ARHGAP21: variants seen among roughly 807,000 people sequenced by gnomAD.
ARHGAP21 encodes Rho GTPase activating protein 21, also known as rho GTPase-activating protein 21.
In ARHGAP21, 38 loss-of-function variants were observed where a neutral mutation model predicts 164.6. The ratio of observed to expected loss-of-function variants is 0.23; its 90% CI spans 0.18 to 0.30. The LOEUF is 0.30. Among genes scored for constraint, ARHGAP21 ranks in the 10% least tolerant of loss-of-function variants. The probability of loss-of-function intolerance (pLI) is 1.00; values close to 1 mark genes in which losing one functional copy is unlikely to be tolerated. For synonymous variants in ARHGAP21, 766 were observed against 857.9 expected (o/e 0.89, Z 1.87); for missense variants, 1,822 against 2,370.7 (o/e 0.77, Z 4.81).
chr10:24,600,650 T>G lies in ARHGAP21; in HGVS notation c.3128A>C (p.Glu1043Ala). The change falls in exon 14 of 26, where the codon GAA becomes GCA. Residue 1043 changes from glutamate to alanine, a missense_variant. This residue lies in a region of ARHGAP21 where 1,090 missense variants were observed against 1,378.9 expected (regional missense o/e 0.79). Transcript: ENST00000396432. ...KTIQESSNLN[E>A]EDTGVTNRDL... The stretch of plus-strand genomic sequence containing the variant: ...AGCATTCCTTTGAACACCCACCTCT[T>G]CGTTTAGGTTGCTGCTCTCCTGGAT... 1.2e-6 allele frequency: 2 copies of G among 1,612,522 alleles called. No homozygotes were observed. Among genetic ancestry groups the G allele is most frequent in the Admixed American group, 3.3e-5 (2 of 59,994 alleles).
chr10:24,634,370 T>A (rs1200763551), intron 5 of ARHGAP21, among the ~76,000 whole-genome samples: 1 of 152,196 alleles, frequency 6.6e-6, no homozygotes, highest in Non-Finnish European at 1.5e-5. Flanking sequence ...ATATAGCTTT[T>A]CAATAATTCC....
Position 24,661,292 on chromosome 10 carries a change from T to C in ARHGAP21, c.268+5693A>G, listed in dbSNP as rs537616905. 4.0e-5 allele frequency among the ~76,000 whole-genome samples: 6 copies of C among 151,704 alleles called. No homozygotes were observed. In the South Asian group the frequency reaches 1.2e-3, roughly 31 times the overall value. On this transcript the variant is annotated intron_variant, in intron 4 of 25. Transcript: ENST00000396432. ...TTTTTCTTATAAAAAATCTGCATCA[T>C]AGTACAGAAAACTAACCAACAAGAA... is the stretch of plus-strand genomic sequence containing the variant.
intron 3 of ARHGAP21, among the ~76,000 whole-genome samples, chr10:24,667,755 G>A (rs1840333859): frequency 6.9e-6 from 1 of 145,678 alleles, no homozygotes; most frequent in African/African-American, 2.5e-5. Context: ...GCTGCCCAAT[G>A]TTTTTTTTTT....
At chr10:24,593,153 A>AACATGTTAACTAG (rs1472435194) in intron 21 of ARHGAP21, among the ~76,000 whole-genome samples, 30 of 152,234 alleles carry the variant, frequency 2.0e-4, no homozygotes, top group Non-Finnish European at 3.7e-4. Flanking sequence ...CTGCACACCT[A>AACATGTTAACTAG]ACATGTTAAC....
chr10:24,612,862 A>C (rs920339310), intron 9 of ARHGAP21, among the ~76,000 whole-genome samples: 1 of 151,878 alleles, frequency 6.6e-6, no homozygotes, highest in African/African-American at 2.4e-5. Context: ...TTCAAAAATA[A>C]ATAAATAAAT....
At position 24,583,923 on chromosome 10, in the gene ARHGAP21, TA is replaced by T. The variant is rs1314109407; in HGVS notation, c.*488del. ...AAAACTCAGATCCACCTGGAATGAC[TA>T]AAGAATGGAAGTTCTGTATCCACCT... On this transcript the variant is annotated 3_prime_UTR_variant, in exon 26 of 26. Transcript: ENST00000396432. The T allele has an allele frequency of 6.6e-6, 1 of 152,650 alleles. No homozygotes were observed. The highest frequency in any genetic ancestry group is 2.4e-5 in the African/African-American group (1 of 41,458). The allele number at this position is 152,650 out of a possible 1,614,324, so 9.5% of individuals were successfully genotyped here.
chr10:24,642,597 G>A (rs1042162506), intron 4 of ARHGAP21, among the ~76,000 whole-genome samples: 4 of 151,376 alleles, frequency 2.6e-5, no homozygotes, highest in African/African-American at 9.7e-5. Flanking sequence ...TATGTGATCG[G>A]TACTGCAAGC....
intron 14 of ARHGAP21, among the ~76,000 whole-genome samples, chr10:24,598,859 G>C (rs150317552): frequency 6.6e-6 from 1 of 152,154 alleles, no homozygotes. Context: ...TCCTACCCCT[G>C]ATGCTTAAGT....
chr10:24,680,466 T>C (rs1162810642), intron 2 of ARHGAP21, among the ~76,000 whole-genome samples: 2 of 152,128 alleles, frequency 1.3e-5, no homozygotes, highest in Non-Finnish European at 2.9e-5. Flanking sequence ...CATTTCTGAA[T>C]TGAGCTGCTA....
intron 2 of ARHGAP21, among the ~76,000 whole-genome samples, chr10:24,688,342 G>A (rs1408215711): frequency 6.6e-6 from 1 of 152,054 alleles, no homozygotes; most frequent in African/African-American, 2.4e-5. Flanking sequence ...GAAGTGAGCC[G>A]AGATGGCACC....
intron 4 of ARHGAP21, among the ~76,000 whole-genome samples, chr10:24,642,535 A>G (rs1307148343): frequency 1.3e-5 from 2 of 150,828 alleles, no homozygotes; most frequent in African/African-American, 4.9e-5. Flanking sequence ...AAAAAAAAAA[A>G]GGAAGAAACA....
intron 7 of ARHGAP21, among the ~76,000 whole-genome samples, chr10:24,623,836 A>AT (rs1394966227): frequency 2.0e-5 from 3 of 152,140 alleles, no homozygotes; most frequent in Admixed American, 1.3e-4. Context: ...CATGGAGGCC[A>AT]TTTTTTTCCC....
At chr10:24,586,635 G>C (rs1380794785) in intron 25 of ARHGAP21, among the ~76,000 whole-genome samples, 2 of 152,200 alleles carry the variant, frequency 1.3e-5, no homozygotes, top group African/African-American at 2.4e-5. Flanking sequence ...TAAGCTCATT[G>C]AGATAAGGGA....
intron 9 of ARHGAP21, among the ~76,000 whole-genome samples, chr10:24,608,982 G>A (rs2077146044): frequency 6.6e-6 from 1 of 152,156 alleles, no homozygotes; most frequent in South Asian, 2.1e-4. Context: ...ATTTAAAACT[G>A]ATTTTGATAT....
At chr10:24,611,232 TTA>T (rs770665510) in intron 9 of ARHGAP21, among the ~76,000 whole-genome samples, 24 of 152,144 alleles carry the variant, frequency 1.6e-4, no homozygotes, top group Non-Finnish European at 3.2e-4. Context: ...TCAGGGCCCC[TTA>T]TATTAATAGT....
intron 4 of ARHGAP21, among the ~76,000 whole-genome samples, chr10:24,655,331 A>G (rs1351444228): frequency 1.3e-5 from 2 of 152,232 alleles, no homozygotes; most frequent in East Asian, 3.8e-4. Flanking sequence ...GAGTGAACAG[A>G]CAATCTACAG....
intron 2 of ARHGAP21, among the ~76,000 whole-genome samples, chr10:24,676,773 T>C (rs1042792921): frequency 6.6e-6 from 1 of 152,238 alleles, no homozygotes; most frequent in East Asian, 1.9e-4. Context: ...AGTTGCAGTA[T>C]AGTGGACAAT....
chr10:24,597,725 G>T, intron 15 of ARHGAP21, 142 bp from the exon 16 acceptor site: 2 of 1,304,296 alleles, frequency 1.5e-6, no homozygotes, highest in Admixed American at 2.5e-5. Flanking sequence ...CAATTTTGTA[G>T]TCCTGCCCAG....
At chr10:24,610,104 G>A (rs559328764) in intron 9 of ARHGAP21, among the ~76,000 whole-genome samples, 59 of 152,274 alleles carry the variant, frequency 3.9e-4, no homozygotes, top group African/African-American at 1.3e-3. Context: ...TTGGACAGGC[G>A]TGGTGCCCAC....
Sources: gnomAD v4.1 joint callset for allele counts (sites outside exome capture counted in the v4.1 genomes callset) on GRCh38, gnomAD v4.1.1 for gene constraint, gnomAD v4.1.1 regional missense constraint, MANE v1.5 for transcripts, NCBI Gene and HGNC (gene_info 2026-07-23, HGNC 2026-07-21) for gene names.